Variants in CDS1 observed in about 807,000 individuals in gnomAD.
CDS1 encodes CDP-diacylglycerol synthase 1.
A neutral mutation model predicts 62.1 loss-of-function variants in CDS1; 41 were observed. That is an observed-to-expected ratio of 0.66 (90% CI 0.51 to 0.86). CDS1 has a LOEUF of 0.86. CDS1 is among the 40% of genes least tolerant of loss of function. The pLI is 0.00. For missense variants in CDS1, 470 were observed against 550.1 expected (o/e 0.85, Z 1.46); for synonymous variants, 185 against 192.6 (o/e 0.96, Z 0.32).
chr4:84,634,057 C>G (rs978024494), intron 7 of CDS1, 118 bp downstream of exon 7: 1 of 483,844 alleles, frequency 2.1e-6, no homozygotes, highest in Non-Finnish European at 3.5e-6. Flanking sequence ...TTCTTATATT[C>G]CATTAAACTA....
chr4:84,612,100 C>T (rs955907006), intron 3 of CDS1, among the ~76,000 whole-genome samples: 8 of 150,696 alleles, frequency 5.3e-5, no homozygotes, highest in African/African-American at 1.9e-4. Context: ...GAGCAAAGGT[C>T]CAAGTGGCTA....
intron 1 of CDS1, among the ~76,000 whole-genome samples, chr4:84,603,181 A>G (rs1424676624): frequency 1.3e-5 from 2 of 152,200 alleles, no homozygotes; most frequent in Non-Finnish European, 2.9e-5. Flanking sequence ...TTTTGGAGCT[A>G]ATAAGGGCTG....
chr4:84,628,122 G>A (rs1054795804), intron 5 of CDS1, among the ~76,000 whole-genome samples: 1 of 152,072 alleles, frequency 6.6e-6, no homozygotes, highest in Non-Finnish European at 1.5e-5. Context: ...ATGCTAGAAA[G>A]TTTTGATGGT....
chr4:84,584,981 C>T (rs1021676175), intron 1 of CDS1, among the ~76,000 whole-genome samples: 3 of 152,202 alleles, frequency 2.0e-5, no homozygotes, highest in African/African-American at 7.2e-5. Context: ...TATAGTTTAG[C>T]ATCAAGGAAA....
In CDS1 at chr4:84,626,027, C is replaced by T. The variant is rs749677944; in HGVS notation, c.581-5792C>T. Among the ~76,000 whole-genome samples the T allele has an allele frequency of 5.9e-5, 9 of 151,916 alleles. No homozygotes were observed. In the South Asian group the frequency reaches 6.3e-4, roughly 11 times the overall value. The stretch of plus-strand genomic sequence containing the variant: ...TACTAAAAATACAAAATTAGCCGGG[C>T]GTGGTGGTGCATGCCTGTAATCCCA... On this transcript the variant is annotated intron_variant, in intron 5 of 12. Coordinates refer to ENST00000295887, the MANE Select transcript of CDS1 (RefSeq NM_001263.4).
intron 8 of CDS1, among the ~76,000 whole-genome samples, chr4:84,636,880 G>A (rs1417164360): frequency 6.6e-6 from 1 of 152,092 alleles, no homozygotes; most frequent in Non-Finnish European, 1.5e-5. Context: ...TCACATTATT[G>A]GGCAAAGTTT....
chr4:84,627,616 A>AT (rs1723900969), intron 5 of CDS1, among the ~76,000 whole-genome samples: 1 of 152,032 alleles, frequency 6.6e-6, no homozygotes, highest in South Asian at 2.1e-4. Context: ...TTAATAAATT[A>AT]TTTTTTGCTT....
chr4:84,585,942 T>C (rs74753556), intron 1 of CDS1, among the ~76,000 whole-genome samples: 2,014 of 152,298 alleles, frequency 0.013, 55 homozygotes, highest in African/African-American at 0.046. Flanking sequence ...GCTTGGCGTC[T>C]ACCTGGAGAC....
At position 84,643,074 on chromosome 4, in the gene CDS1, C is replaced by G; in HGVS notation, c.1083C>G (p.Thr361=). 6.2e-7 allele frequency: 1 copy of G among 1,613,010 alleles called. No individual in the cohort carries two copies. The highest frequency in any genetic ancestry group is 8.5e-7 in the Non-Finnish European group (1 of 1,179,362). Reference sequence around the variant, plus strand: ...AGATCCACAGCATTGCACTGTCAACCTTTGCATCTTTAATTGGCCCATTTG... The same window carrying G: ...AGATCCACAGCATTGCACTGTCAACGTTTGCATCTTTAATTGGCCCATTTG... ...PFQIHSIALS[T]FASLIGPFGG... is the part of the protein sequence containing the mutation. The change falls in exon 11 of 13, where the codon ACC becomes ACG. Residue 361 remains threonine (T), a synonymous_variant. Transcript: ENST00000295887.
chr4:84,630,044 A>G (rs984960041), intron 5 of CDS1, among the ~76,000 whole-genome samples: 1 of 152,082 alleles, frequency 6.6e-6, no homozygotes, highest in African/African-American at 2.4e-5. Flanking sequence ...CCCCTTACCC[A>G]TTGGCTTTGA....
chr4:84,648,493 G>C, intron 12 of CDS1, 64 bp from the exon 13 acceptor site: 6 of 1,453,478 alleles, frequency 4.1e-6, no homozygotes, highest in Non-Finnish European at 5.7e-6. Flanking sequence ...TAAATTGGAG[G>C]TATGTGCTTC....
intron 7 of CDS1, 22 bp downstream of exon 7, chr4:84,633,961 G>A: frequency 1.4e-6 from 2 of 1,418,190 alleles, no homozygotes; most frequent in Non-Finnish European, 2.0e-6. Context: ...GAATTATGCT[G>A]CTTTATAAGT....
At chr4:84,620,578 CCA>C (rs1472559600) in intron 5 of CDS1, among the ~76,000 whole-genome samples, 2 of 151,688 alleles carry the variant, frequency 1.3e-5, no homozygotes, top group African/African-American at 4.8e-5. Flanking sequence ...GTATGCTATG[CCA>C]CATGTTTTTG....
intron 12 of CDS1, among the ~76,000 whole-genome samples, chr4:84,646,241 C>T (rs1724554536): frequency 6.6e-6 from 1 of 152,068 alleles, no homozygotes; most frequent in Admixed American, 6.6e-5. Context: ...GTCCTGATAG[C>T]GAGTTTATCA....
In CDS1 at chr4:84,631,038, G is replaced by A. The variant is rs1466739922; in HGVS notation, c.581-781G>A. ...AATAAATTATCATTGTAATAAATTT[G>A]TAAAATGTAAACATAAATACATATA... On this transcript the variant is annotated intron_variant, in intron 5 of 12. Coordinates refer to ENST00000295887, the MANE Select transcript of CDS1 (RefSeq NM_001263.4). Among the ~76,000 whole-genome samples the A allele has an allele frequency of 2.0e-5, 3 of 151,946 alleles. No individual in the cohort carries two copies. The South Asian group carries it at 6.2e-4, about 31-fold the overall frequency.
intron 3 of CDS1, among the ~76,000 whole-genome samples, chr4:84,616,276 A>G (rs1256017703): frequency 6.6e-6 from 1 of 152,240 alleles, no homozygotes; most frequent in Admixed American, 6.5e-5. Context: ...ACTTTTGCCT[A>G]CAAGTACTGT....
intron 1 of CDS1, among the ~76,000 whole-genome samples, chr4:84,589,287 C>T (rs905032136): frequency 6.6e-6 from 1 of 152,170 alleles, no homozygotes; most frequent in South Asian, 2.1e-4. Flanking sequence ...TTCCACTATC[C>T]ATTTACTGCC....
chr4:84,613,089 T>G (rs867928852), intron 3 of CDS1, among the ~76,000 whole-genome samples: 1 of 151,728 alleles, frequency 6.6e-6, no homozygotes, highest in African/African-American at 2.4e-5. Context: ...TGCATAGATA[T>G]ATATATATAT....
At chr4:84,591,520 A>G (rs1722590938) in intron 1 of CDS1, among the ~76,000 whole-genome samples, 1 of 152,200 alleles carries the variant, frequency 6.6e-6, no homozygotes, top group Admixed American at 6.5e-5. Context: ...TGATTGTAGA[A>G]TATATTAATC....
Sources: allele counts gnomAD v4.1 joint callset (sites outside exome capture counted in the v4.1 genomes callset), GRCh38; gene constraint gnomAD v4.1.1; transcripts MANE v1.5; gene names NCBI Gene and HGNC (gene_info 2026-07-23, HGNC 2026-07-21).